Variants in RUSC1 observed in about 807,000 individuals in gnomAD.
The protein encoded by RUSC1 is AP-4 complex accessory subunit RUSC1.
RUSC1 carries 40 observed loss-of-function variants against 72.1 expected under a neutral mutation model. The ratio of observed to expected loss-of-function variants is 0.55; its 90% confidence interval spans 0.43 to 0.72. The LOEUF is 0.72. Among genes scored for constraint, RUSC1 ranks in the 30% least tolerant of loss-of-function variants. RUSC1 has a pLI of 0.00. For missense variants in RUSC1, 1,092 were observed against 1,172.3 expected (o/e 0.93, Z 1.00); for synonymous variants, 512 against 494.2 (o/e 1.04, Z -0.48).
At position 155,330,478 on chromosome 1, in the gene RUSC1, T is replaced by A; in HGVS notation, c.2616T>A (p.Arg872=). 1 of 1,613,946 alleles carries A rather than the reference T, an allele frequency of 6.2e-7. No homozygotes were observed. Among genetic ancestry groups the A allele is most frequent in the Non-Finnish European group, 8.5e-7 (1 of 1,180,018 alleles). ...GCTTCCGGCGTGGGGAAGTGCTGCG[T>A]GTCATCACCACAGTGGATGAGGACT... ...QLSFRRGEVL[R]VITTVDEDWL... is the part of the protein sequence containing the mutation. Residue 872 remains arginine, a synonymous_variant, in exon 10 of 10, where the codon CGT becomes CGA. Transcript: ENST00000368352.
intron 2 of RUSC1, chr1:155,323,811 A>T: frequency 1.7e-6 from 1 of 591,682 alleles, no homozygotes; most frequent in Non-Finnish European, 2.1e-6. Context: ...CGCCCAGGCT[A>T]CGTAAGACGG....
At position 155,330,851 on chromosome 1, in the gene RUSC1, G is replaced by T; in HGVS notation, c.*280G>T. 1 of 290,196 alleles carries T rather than the reference G, an allele frequency of 3.4e-6. No individual in the cohort carries two copies. Among genetic ancestry groups the T allele is most frequent in the Non-Finnish European group, 6.5e-6 (1 of 154,108 alleles). 18.0% of individuals were successfully genotyped at this position (290,196 alleles called of 1,614,324 possible). A position where few individuals can be genotyped will look rare whatever the true frequency, so the allele number is the denominator to read the frequency against. ...GGAATGTCTTCCTTCCTATCTATCT[G>T]CAAAATGGAAATCTAGACCTCCTTC... On this transcript the variant is annotated 3_prime_UTR_variant, in exon 10 of 10. Transcript: ENST00000368352.
At position 155,322,122 on chromosome 1, in the gene RUSC1, T is replaced by A; in HGVS notation, c.349T>A (p.Ser117Thr). The A allele has an allele frequency of 6.2e-7, 1 of 1,609,448 alleles. No individual in the cohort carries two copies. The highest frequency in any genetic ancestry group is 8.5e-7 in the Non-Finnish European group (1 of 1,177,074). ...CTGCTCAGATCTTAGCCCCGATGAG[T>A]CCCCTGTCTCAGTCTACTTGCGGGA... Reference protein sequence around the residue: ...SSCSDLSPDESPVSVYLRDLP... With the variant: ...SSCSDLSPDETPVSVYLRDLP... Residue 117 changes from serine (S) to threonine (T), a missense_variant, in exon 2 of 10, where the codon TCC becomes ACC. Ser to Thr is a moderately conservative substitution (Grantham distance 58, BLOSUM62 1). Coordinates refer to ENST00000368352, the MANE Select transcript of RUSC1 (RefSeq NM_001105203.2).
chr1:155,321,807 C>G lies in RUSC1; in HGVS notation c.34C>G (p.Leu12Val). ...LSPQRALLCN[L>V]NHIHLQHVSL... ...CCCTCAGAGAGCTTTACTCTGCAAC[C>G]TCAACCACATCCACCTCCAGCACGT... The change falls in exon 2 of 10, where the codon CTC (leucine) becomes GTC (valine). Residue 12 changes from leucine to valine, a missense_variant. Coordinates refer to ENST00000368352, the MANE Select transcript of RUSC1 (RefSeq NM_001105203.2). The G allele has an allele frequency of 6.2e-7, 1 of 1,614,050 alleles. No individual in the cohort carries two copies. The highest frequency in any genetic ancestry group is 2.2e-5 in the East Asian group (1 of 44,886).
At chr1:155,330,274 C>T in intron 9 of RUSC1, 129 bp from the exon 10 acceptor site, 2 of 894,776 alleles carry the variant, frequency 2.2e-6, no homozygotes, top group Non-Finnish European at 3.4e-6. Context: ...GAATGGTTCT[C>T]AAGTCCTTCC....
Position 155,325,303 on chromosome 1 carries a change from G to A in RUSC1, c.1534-13G>A, listed in dbSNP as rs1453211962. 4 of 1,603,908 alleles carry A rather than the reference G, an allele frequency of 2.5e-6. No individual in the cohort carries two copies. Among genetic ancestry groups the A allele is most frequent in the Non-Finnish European group, 2.5e-6 (3 of 1,179,310 alleles). ...AGGGATCTCTGGAGCCATCGGCATC[G>A]CGCCACCTCCAGGCCCAGTTGGGTG... On this transcript the variant is annotated splice_polypyrimidine_tract_variant and intron_variant, in intron 4 of 9. Transcript: ENST00000368352. This position sits in a 1 kb window ranked among gnomAD's most constrained non-coding sequence, Gnocchi z 6.5.
Position 155,326,031 on chromosome 1 carries a change from T to C in RUSC1, c.1861+121T>C, listed in dbSNP as rs1557997453. ...CATTAATCCAGATCTCCGATCTTATTACTCTTCTAATTAAAACTTTCTAAG... is the reference window on the plus strand; with the variant it reads ...CATTAATCCAGATCTCCGATCTTATCACTCTTCTAATTAAAACTTTCTAAG... On this transcript the variant is annotated intron_variant, in intron 7 of 9. Transcript: ENST00000368352. This position sits in a 1 kb window ranked among gnomAD's most constrained non-coding sequence, Gnocchi z 4.7. 1 of 1,094,368 alleles carries C rather than the reference T, an allele frequency of 9.1e-7. No individual in the cohort carries two copies. Among genetic ancestry groups the C allele is most frequent in the African/African-American group, 1.6e-5 (1 of 64,340 alleles). The allele number at this position is 1,094,368 out of a possible 1,614,324, so 67.8% of individuals were successfully genotyped here.
At chr1:155,327,609 A>AT (rs879654051) in intron 8 of RUSC1, among the ~76,000 whole-genome samples, 7 of 152,234 alleles carry the variant, frequency 4.6e-5, no homozygotes, top group Non-Finnish European at 1.0e-4. Context: ...CCTGGGCAAC[A>AT]TGGTGAAACC....
intron 8 of RUSC1, among the ~76,000 whole-genome samples, chr1:155,327,772 C>T (rs1651570925): frequency 6.6e-6 from 1 of 152,164 alleles, no homozygotes; most frequent in Admixed American, 6.5e-5. Flanking sequence ...GCATTCCAGC[C>T]TGGGCGACAG....
At chr1:155,327,873 A>G (rs1651579608) in intron 8 of RUSC1, among the ~76,000 whole-genome samples, 1 of 152,144 alleles carries the variant, frequency 6.6e-6, no homozygotes, top group Admixed American at 6.5e-5. Context: ...ATGGCTTGAG[A>G]TACTCTCTAG....
At chr1:155,328,108 C>T (rs1651607575) in intron 8 of RUSC1, 42 bp from the exon 9 acceptor site, 1 of 1,588,174 alleles carries the variant, frequency 6.3e-7, no homozygotes, top group Non-Finnish European at 8.6e-7. Context: ...CTTGGGTTTT[C>T]TGGAAGTGGG....
Position 155,323,148 on chromosome 1 carries a change from G to A in RUSC1, c.1357+18G>A, listed in dbSNP as rs1436470926. ...CCTGGAGGGTAAGAGGTCGCAAGAA[G>A]CGGGAGGAGGGCTGGGCTTCGGCCG... is the stretch of plus-strand genomic sequence containing the variant. On this transcript the variant is annotated intron_variant, in intron 2 of 9. Coordinates refer to ENST00000368352, the MANE Select transcript of RUSC1 (RefSeq NM_001105203.2). 1 of 1,400,890 alleles carries A rather than the reference G, an allele frequency of 7.1e-7. No homozygotes were observed. Among genetic ancestry groups the A allele is most frequent in the South Asian group, 1.6e-5 (1 of 62,380 alleles). The allele number at this position is 1,400,890 out of a possible 1,614,324, so 86.8% of individuals were successfully genotyped here.
rs1263735143 is a variant in RUSC1 at position 155,325,238 on chromosome 1, T to G, written c.1533+60T>G. ...GAGAGTAATGGAGCTCCGCGGGGGG[T>G]GCGGGAATGGTTGGCGGGAGGTGGC... On this transcript the variant is annotated intron_variant, in intron 4 of 9. Coordinates refer to ENST00000368352, the MANE Select transcript of RUSC1 (RefSeq NM_001105203.2). This position sits in a 1 kb window ranked among gnomAD's most constrained non-coding sequence, Gnocchi z 6.5. 8 of 1,610,920 alleles carry G rather than the reference T, an allele frequency of 5.0e-6. No homozygotes were observed.
chr1:155,329,000 T>C (rs2148287151), intron 9 of RUSC1, among the ~76,000 whole-genome samples: 1 of 152,286 alleles, frequency 6.6e-6, no homozygotes, highest in East Asian at 1.9e-4. Flanking sequence ...CCCAAAGTAT[T>C]GGGATTACAG....
chr1:155,321,105 T>G, intron 1 of RUSC1, 114 bp downstream of exon 1: 1 of 1,388,252 alleles, frequency 7.2e-7, no homozygotes, highest in East Asian at 4.3e-5. Flanking sequence ...GGCTGAACGA[T>G]GGAGACGAAT....
Position 155,322,657 on chromosome 1 carries a change from T to C in RUSC1, c.884T>C (p.Ile295Thr), listed in dbSNP as rs1650703322. The stretch of plus-strand genomic sequence containing the variant: ...GGCTCGAAAACAGATGCAGGGAAAA[T>C]TGATGGAGGATGGAGAAGTGACGTC... ...DSGSKTDAGK[I>T]DGGWRSDVSE... is the part of the protein sequence containing the mutation. Residue 295 changes from isoleucine (I) to threonine (T), a missense_variant, in exon 2 of 10, where the codon ATT (isoleucine) becomes ACT (threonine). Coordinates refer to ENST00000368352, the MANE Select transcript of RUSC1 (RefSeq NM_001105203.2). 6.2e-7 allele frequency: 1 copy of C among 1,613,610 alleles called. No homozygotes were observed. The highest frequency in any genetic ancestry group is 1.7e-5 in the Admixed American group (1 of 59,984).
chr1:155,326,767 C>G lies in RUSC1; in HGVS notation c.2049C>G (p.Gly683=), dbSNP rs750834010. 1.1e-5 allele frequency: 17 copies of G among 1,613,076 alleles called. No individual in the cohort carries two copies. The highest frequency in any genetic ancestry group is 7.7e-5 in the South Asian group (7 of 91,090). The change falls in exon 8 of 10, where the codon GGC becomes GGG. Residue 683 remains glycine (G), a synonymous_variant. Transcript: ENST00000368352. This position sits in a 1 kb window ranked among gnomAD's most constrained non-coding sequence, Gnocchi z 4.7. ...CACCTCAGGCCCCTGCCCCTCCAGG[C>G]CCACCTCCAGCTCTGCAGCAGACTA... ...LGPPQAPAPP[G]PPPALQQTMQ...
chr1:155,325,523 G>C lies in RUSC1; in HGVS notation c.1708+33G>C. The stretch of plus-strand genomic sequence containing the variant: ...AGGAGGGCGTGGGACCCGGCAGTGC[G>C]CAGGGCAGGGCCGGGCTTGGCTGAC... On this transcript the variant is annotated intron_variant, in intron 5 of 9. Coordinates refer to ENST00000368352, the MANE Select transcript of RUSC1 (RefSeq NM_001105203.2). This position sits in a 1 kb window ranked among gnomAD's most constrained non-coding sequence, Gnocchi z 6.5. 1 of 1,604,394 alleles carries C rather than the reference G, an allele frequency of 6.2e-7. No homozygotes were observed.
chr1:155,325,296 C>T lies in RUSC1; in HGVS notation c.1534-20C>T. 6.2e-7 allele frequency: 1 copy of T among 1,604,220 alleles called. No homozygotes were observed. ...TGTCTGGAGGGATCTCTGGAGCCAT[C>T]GGCATCGCGCCACCTCCAGGCCCAG... is the stretch of plus-strand genomic sequence containing the variant. On this transcript the variant is annotated intron_variant, in intron 4 of 9. Coordinates refer to ENST00000368352, the MANE Select transcript of RUSC1 (RefSeq NM_001105203.2). The surrounding 1 kb of genome is among the most constrained non-coding windows in gnomAD (Gnocchi z 6.5).
Sources: allele counts gnomAD v4.1 joint callset (sites outside exome capture counted in the v4.1 genomes callset), GRCh38; gene constraint gnomAD v4.1.1; non-coding constraint Gnocchi (gnomAD v3.1); transcripts MANE v1.5; gene names NCBI Gene and HGNC (gene_info 2026-07-23, HGNC 2026-07-21).